The following TEK variants were observed in gnomAD, a reference collection of about 807,000 sequenced individuals.
The protein encoded by TEK is angiopoietin-1 receptor.
In TEK, 43 loss-of-function variants were observed where a neutral mutation model predicts 131.8. The observed-to-expected ratio is 0.33, with a 90% CI of 0.26 to 0.42. The LOEUF (loss-of-function observed/expected upper bound fraction) is 0.42. Ranked by LOEUF, TEK falls within the 10% of genes least tolerant of loss-of-function variation. The pLI, the probability that TEK is intolerant of heterozygous loss-of-function variation, is 1.00. For missense variants in TEK, 1,162 were observed against 1,384.4 expected (o/e 0.84, Z 2.55); for synonymous variants, 580 against 491.6 (o/e 1.18, Z -2.38).
chr9:27,166,072 C>T (rs926066781), intron 2 of TEK, among the ~76,000 whole-genome samples: 8 of 152,264 alleles, frequency 5.3e-5, no homozygotes, highest in African/African-American at 1.4e-4. Context: ...GAGGGCACAG[C>T]GACCAGCTGG....
intron 7 of TEK, among the ~76,000 whole-genome samples, chr9:27,182,482 C>T (rs910975406): frequency 1.1e-4 from 16 of 152,116 alleles, no homozygotes; most frequent in African/African-American, 3.9e-4. Context: ...GACCTCTTTC[C>T]CTTCTCCTCC....
intron 1 of TEK, among the ~76,000 whole-genome samples, chr9:27,122,317 A>G (rs1821823995): frequency 6.6e-6 from 1 of 152,166 alleles, no homozygotes. Context: ...GAAAACAGGG[A>G]TCTCACCAGG....
intron 4 of TEK, among the ~76,000 whole-genome samples, chr9:27,170,351 A>T (rs369086187): frequency 1.3e-5 from 2 of 152,250 alleles, no homozygotes. Flanking sequence ...GGGAAAGCTG[A>T]AAAGTGGCTG....
In TEK at chr9:27,209,423, C is replaced by T. The variant is rs889035672; in HGVS notation, c.2686+192C>T. On this transcript the variant is annotated intron_variant, in intron 16 of 22. Coordinates refer to ENST00000380036, the MANE Select transcript of TEK (RefSeq NM_000459.5). Reference sequence around the variant, plus strand: ...TTGCCTTGTTTTTGGAGGGAGGTGCCGAGGCTGGACTATTTAGCCTCTGAT... The same window carrying T: ...TTGCCTTGTTTTTGGAGGGAGGTGCTGAGGCTGGACTATTTAGCCTCTGAT... Among the ~76,000 whole-genome samples, 6 of 151,990 alleles carry T rather than the reference C, an allele frequency of 3.9e-5. No individual in the cohort carries two copies. In the East Asian group the frequency reaches 7.7e-4, roughly 20 times the overall value.
intron 3 of TEK, among the ~76,000 whole-genome samples, chr9:27,169,141 T>C (rs1313297275): frequency 1.3e-5 from 2 of 152,204 alleles, no homozygotes; most frequent in African/African-American, 4.8e-5. Flanking sequence ...TCCTGGTTAA[T>C]TGGTTAGTTG....
chr9:27,139,855 C>A (rs1822658081), intron 1 of TEK, among the ~76,000 whole-genome samples: 1 of 152,018 alleles, frequency 6.6e-6, no homozygotes, highest in Non-Finnish European at 1.5e-5. Flanking sequence ...CAGTTGTATA[C>A]TAGTTTGTCT....
intron 1 of TEK, among the ~76,000 whole-genome samples, chr9:27,155,192 G>C (rs1823285457): frequency 6.6e-6 from 1 of 152,312 alleles, no homozygotes; most frequent in East Asian, 1.9e-4. Context: ...CTCAGAGTCA[G>C]GCCTGGGTAT....
At position 27,218,130 on chromosome 9, in the gene TEK, T is replaced by TTGGGGGGG. The variant is rs9298888; in HGVS notation, c.3062+372_3062+373insTGGGGGGG. Reference sequence around the variant, plus strand: ...CTGGGGACAAAATAAGGCCAGACAGTGGCGGGGGTCGTCTCTGCTTGCAGC... The same window carrying TTGGGGGGG: ...CTGGGGACAAAATAAGGCCAGACAGTTGGGGGGGGGCGGGGGTCGTCTCTGCTTGCAGC... On this transcript the variant is annotated intron_variant, in intron 19 of 22. Transcript: ENST00000380036. Among the ~76,000 whole-genome samples, 161 of 139,366 alleles carry TTGGGGGGG rather than the reference T, an allele frequency of 1.2e-3. 7 individuals carry two copies. Among genetic ancestry groups the TTGGGGGGG allele is most frequent in the African/African-American group, 1.5e-3 (58 of 38,270 alleles). 91.4% of individuals were successfully genotyped at this position (139,366 alleles called of 152,430 possible). A position where few individuals can be genotyped will look rare whatever the true frequency, so the allele number is the denominator to read the frequency against.
chr9:27,120,553 C>T (rs961814960), intron 1 of TEK, among the ~76,000 whole-genome samples: 1 of 152,238 alleles, frequency 6.6e-6, no homozygotes, highest in African/African-American at 2.4e-5. Flanking sequence ...GATGCATTGT[C>T]AAGCTGGCTG....
chr9:27,135,593 A>G (rs1318207151), intron 1 of TEK, among the ~76,000 whole-genome samples: 2 of 152,198 alleles, frequency 1.3e-5, no homozygotes, highest in East Asian at 3.8e-4. Flanking sequence ...GTATGTATAC[A>G]TTGATACATC....
chr9:27,228,790 G>A (rs1826439412), intron 22 of TEK, among the ~76,000 whole-genome samples: 1 of 151,962 alleles, frequency 6.6e-6, no homozygotes, highest in African/African-American at 2.4e-5. Flanking sequence ...AAACCCAAGT[G>A]GTAATTCAAC....
intron 12 of TEK, among the ~76,000 whole-genome samples, chr9:27,199,884 G>T (rs1381084420): frequency 1.3e-5 from 2 of 152,116 alleles, no homozygotes; most frequent in African/African-American, 4.8e-5. Flanking sequence ...GGACCTGTCA[G>T]TATTTGCCTG....
At chr9:27,158,240 CCTGA>C in intron 2 of TEK, 98 bp downstream of exon 2, 2 of 1,360,210 alleles carry the variant, frequency 1.5e-6, no homozygotes, top group Non-Finnish European at 2.1e-6. Flanking sequence ...GCATGCACTA[CCTGA>C]ATGTAGAGCT....
intron 4 of TEK, among the ~76,000 whole-genome samples, chr9:27,170,994 G>T (rs142688267): frequency 6.6e-6 from 1 of 152,106 alleles, no homozygotes; most frequent in East Asian, 1.9e-4. Context: ...GGACCTCTTG[G>T]GTTAGACTAA....
At chr9:27,170,084 C>T (rs1186419037) in intron 4 of TEK, among the ~76,000 whole-genome samples, 5 of 152,016 alleles carry the variant, frequency 3.3e-5, no homozygotes, top group Non-Finnish European at 5.9e-5. Context: ...CTTCACATGG[C>T]GGCAGGAGAG....
intron 1 of TEK, among the ~76,000 whole-genome samples, chr9:27,119,257 C>T (rs1821690093): frequency 6.6e-6 from 1 of 152,110 alleles, no homozygotes; most frequent in Admixed American, 6.5e-5. Flanking sequence ...ATGGTCACCT[C>T]AGGTTAGTTC....
intron 2 of TEK, among the ~76,000 whole-genome samples, chr9:27,163,032 C>T (rs907238314): frequency 4.6e-5 from 7 of 152,246 alleles, no homozygotes; most frequent in African/African-American, 1.7e-4. Context: ...TATTCTTGAG[C>T]CTCTATTTTT....
chr9:27,221,550 G>T (rs1011378531), intron 21 of TEK, among the ~76,000 whole-genome samples: 7 of 152,166 alleles, frequency 4.6e-5, no homozygotes, highest in Non-Finnish European at 7.4e-5. Flanking sequence ...TCTGGCAGGT[G>T]CCCCTCTGGG....
At chr9:27,175,818 C>A (rs1824148290) in intron 6 of TEK, among the ~76,000 whole-genome samples, 1 of 152,120 alleles carries the variant, frequency 6.6e-6, no homozygotes, top group African/African-American at 2.4e-5. Context: ...ATCCTTTGCC[C>A]ACTTTTTGAT....
Sources: gnomAD v4.1 joint callset for allele counts (sites outside exome capture counted in the v4.1 genomes callset) on GRCh38, gnomAD v4.1.1 for gene constraint, MANE v1.5 for transcripts, NCBI Gene and HGNC (gene_info 2026-07-23, HGNC 2026-07-21) for gene names.